CLMN: variants seen among roughly 807,000 people sequenced by gnomAD.
CLMN encodes the protein calmin.
CLMN carries 57 observed loss-of-function variants against 92.7 expected under a neutral mutation model. That is an observed-to-expected ratio of 0.61 (90% CI 0.50 to 0.77). CLMN has a LOEUF of 0.77. Ranked by LOEUF, CLMN falls within the 30% of genes least tolerant of loss-of-function variation. The pLI, the probability that CLMN is intolerant of heterozygous loss-of-function variation, is 0.00. For missense variants in CLMN, 1,158 were observed against 1,237.5 expected (o/e 0.94, Z 0.96); for synonymous variants, 466 against 470.6 (o/e 0.99, Z 0.13).
intron 1 of CLMN, among the ~76,000 whole-genome samples, chr14:95,248,002 C>T (rs1196085128): frequency 6.6e-6 from 1 of 152,072 alleles, no homozygotes; most frequent in African/African-American, 2.4e-5. Flanking sequence ...GTTTATGCAA[C>T]TCTGCTACTC....
Position 95,194,715 on chromosome 14 carries a change from GC to G in CLMN, c.2709-120del. Reference sequence around the variant, plus strand: ...GGTTTAGGCAAGCGACAACTTCACAGCCAGGGACAGAAATGACAGATTTTAT... The same window carrying G: ...GGTTTAGGCAAGCGACAACTTCACAGCAGGGACAGAAATGACAGATTTTAT... On this transcript the variant is annotated intron_variant, in intron 10 of 12. Transcript: ENST00000298912. The surrounding 1 kb of genome is among the most constrained non-coding windows in gnomAD (Gnocchi z 4.0). 1.2e-6 allele frequency: 1 copy of G among 847,982 alleles called. No homozygotes were observed. The highest frequency in any genetic ancestry group is 2.0e-6 in the Non-Finnish European group (1 of 504,782). 52.5% of individuals were successfully genotyped at this position (847,982 alleles called of 1,614,324 possible).
chr14:95,211,002 G>A, intron 6 of CLMN, 123 bp from the exon 7 acceptor site: 1 of 915,596 alleles, frequency 1.1e-6, no homozygotes, highest in Non-Finnish European at 1.6e-6. Context: ...CTCGCCAGGT[G>A]AAGACGCCTT....
At position 95,288,760 on chromosome 14, in the gene CLMN, G is replaced by A. The variant is rs1296535230; in HGVS notation, c.82+30951C>T. 2.6e-5 allele frequency among the ~76,000 whole-genome samples: 4 copies of A among 152,176 alleles called. No homozygotes were observed. The East Asian group carries it at 5.8e-4, about 22-fold the overall frequency. The stretch of plus-strand genomic sequence containing the variant: ...TGTGTCCACCAAAAGACATGCCCAA[G>A]AGTGTTCTTCACAGCACATTCATAA... On this transcript the variant is annotated intron_variant, in intron 1 of 12. Transcript: ENST00000298912.
rs768269133 is a variant in CLMN, at chr14:95,210,795, G to A, written c.693C>T (p.Ser231=). Residue 231 remains serine (S), a synonymous_variant, in exon 7 of 13, where the codon AGC becomes AGT. Coordinates refer to ENST00000298912, the MANE Select transcript of CLMN (RefSeq NM_024734.4). ...FLAVIKAIDP[S]LVDMKQALEN... The stretch of plus-strand genomic sequence containing the variant: ...CCAGGGCCTGTTTCATGTCCACCAG[G>A]CTGGGGTCAATGGCCTTGATCACCG... 15 of 1,596,478 alleles carry A rather than the reference G, an allele frequency of 9.4e-6. No individual in the cohort carries two copies. The highest frequency in any genetic ancestry group is 7.7e-6 in the Non-Finnish European group (9 of 1,173,996).
rs1896344523 is a variant in CLMN at position 95,182,223 on chromosome 14, A to G, written c.*9341T>C. Reference sequence around the variant, plus strand: ...AATAGACAAAAATAATCCTTGTACTACAAAATAACATTTCATTTTCCTCAA... The same window carrying G: ...AATAGACAAAAATAATCCTTGTACTGCAAAATAACATTTCATTTTCCTCAA... On this transcript the variant is annotated 3_prime_UTR_variant, in exon 13 of 13. Coordinates refer to ENST00000298912, the MANE Select transcript of CLMN (RefSeq NM_024734.4). 1 of 152,234 alleles carries G rather than the reference A, an allele frequency of 6.6e-6. No individual in the cohort carries two copies. Among genetic ancestry groups the G allele is most frequent in the South Asian group, 2.1e-4 (1 of 4,838 alleles). 9.4% of individuals were successfully genotyped at this position (152,234 alleles called of 1,614,324 possible).
At chr14:95,284,732 C>T (rs946107739) in intron 1 of CLMN, among the ~76,000 whole-genome samples, 10 of 152,100 alleles carry the variant, frequency 6.6e-5, no homozygotes, top group African/African-American at 2.4e-4. Context: ...AATACCTGTA[C>T]CCCACTGTAT....
rs35698997 is a variant in CLMN at position 95,243,719 on chromosome 14, A to ATTT, written c.83-13589_83-13587dup. Among the ~76,000 whole-genome samples the ATTT allele has an allele frequency of 3.0e-3, 422 of 139,482 alleles. 4 individuals carry two copies. Among genetic ancestry groups the ATTT allele is most frequent in the African/African-American group, 0.011 (394 of 36,926 alleles). 91.5% of individuals were successfully genotyped at this position (139,482 alleles called of 152,430 possible). A position where few individuals can be genotyped will look rare whatever the true frequency, so the allele number is the denominator to read the frequency against. On this transcript the variant is annotated intron_variant, in intron 1 of 12. Coordinates refer to ENST00000298912, the MANE Select transcript of CLMN (RefSeq NM_024734.4). ...TTGTTCAAGGAGAGTAATCTCCTCTATTTTTTTTTTTTTTTTTAGCACCAA... is the reference window on the plus strand; with the variant it reads ...TTGTTCAAGGAGAGTAATCTCCTCTATTTTTTTTTTTTTTTTTTTTAGCACCAA...
chr14:95,277,362 T>C (rs1340051140), intron 1 of CLMN, among the ~76,000 whole-genome samples: 1 of 152,228 alleles, frequency 6.6e-6, no homozygotes, highest in African/African-American at 2.4e-5. Flanking sequence ...AAACAAAAAC[T>C]GGATGAGGTT....
At chr14:95,223,956 A>G in intron 2 of CLMN, 101 bp from the exon 3 acceptor site, 1 of 813,862 alleles carries the variant, frequency 1.2e-6, no homozygotes, top group East Asian at 2.6e-5. Context: ...ACTTCCAAAC[A>G]TCCAGCTCTG....
intron 4 of CLMN, among the ~76,000 whole-genome samples, chr14:95,218,887 A>T (rs540201944): frequency 3.9e-5 from 6 of 152,338 alleles, no homozygotes; most frequent in African/African-American, 1.4e-4. Flanking sequence ...ACACAGATGG[A>T]TGACAGAAGG....
intron 1 of CLMN, among the ~76,000 whole-genome samples, chr14:95,253,827 G>A (rs2140683851): frequency 6.6e-6 from 1 of 152,130 alleles, no homozygotes; most frequent in South Asian, 2.1e-4. Context: ...TGTTAGCCAG[G>A]ATGGTCTCGA....
chr14:95,264,794 T>C (rs1230510383), intron 1 of CLMN, among the ~76,000 whole-genome samples: 2 of 151,924 alleles, frequency 1.3e-5, no homozygotes, highest in Admixed American at 6.6e-5. Flanking sequence ...CTTTGAAGGC[T>C]GGGCGCAGTG....
At chr14:95,237,064 C>T (rs545303152) in intron 1 of CLMN, among the ~76,000 whole-genome samples, 47 of 152,318 alleles carry the variant, frequency 3.1e-4, no homozygotes, top group Admixed American at 2.0e-3. Flanking sequence ...TAGATGCAGC[C>T]GTGGCTATGA....
intron 2 of CLMN, among the ~76,000 whole-genome samples, chr14:95,226,360 A>G (rs1897711242): frequency 6.6e-6 from 1 of 152,198 alleles, no homozygotes; most frequent in South Asian, 2.1e-4. Flanking sequence ...GTACTTGTTT[A>G]GTACAGATGC....
intron 1 of CLMN, among the ~76,000 whole-genome samples, chr14:95,247,203 G>C (rs1240477131): frequency 6.6e-6 from 1 of 152,196 alleles, no homozygotes; most frequent in African/African-American, 2.4e-5. Context: ...GACCTGGAAT[G>C]AAGTCCCTAC....
chr14:95,246,460 G>A (rs1898576771), intron 1 of CLMN, among the ~76,000 whole-genome samples: 1 of 152,146 alleles, frequency 6.6e-6, no homozygotes, highest in Non-Finnish European at 1.5e-5. Flanking sequence ...CTCCTCTTGG[G>A]AACTGTGAGT....
intron 1 of CLMN, among the ~76,000 whole-genome samples, chr14:95,250,426 C>T (rs1898735875): frequency 6.6e-6 from 1 of 152,218 alleles, no homozygotes; most frequent in Non-Finnish European, 1.5e-5. Context: ...TGGGTACTTG[C>T]AATTCTATAG....
Position 95,319,843 on chromosome 14 carries a change from G to A in CLMN, c.-51C>T, listed in dbSNP as rs767284416. The A allele has an allele frequency of 1.7e-6, 2 of 1,151,294 alleles. No homozygotes were observed. The highest frequency in any genetic ancestry group is 2.2e-6 in the Non-Finnish European group (2 of 929,952). The allele number at this position is 1,151,294 out of a possible 1,614,324, so 71.3% of individuals were successfully genotyped here. ...CAGCGCGGCGCGGGCGGCGGGCGCG[G>A]AGAGCCTGGCTGGCGGGCGCGCGAG... On this transcript the variant is annotated 5_prime_UTR_variant, in exon 1 of 13. Coordinates refer to ENST00000298912, the MANE Select transcript of CLMN (RefSeq NM_024734.4).
intron 1 of CLMN, among the ~76,000 whole-genome samples, chr14:95,304,538 C>T (rs539925056): frequency 6.6e-6 from 1 of 151,956 alleles, no homozygotes; most frequent in African/African-American, 2.4e-5. Context: ...TCCCCTCCCC[C>T]ACATCTCCCA....
Sources: allele counts gnomAD v4.1 joint callset (sites outside exome capture counted in the v4.1 genomes callset), GRCh38; gene constraint gnomAD v4.1.1; non-coding constraint Gnocchi (gnomAD v3.1); transcripts MANE v1.5; gene names NCBI Gene and HGNC (gene_info 2026-07-23, HGNC 2026-07-21).